The following EHBP1 variants were observed in gnomAD, a reference collection of about 807,000 sequenced individuals.
EHBP1 encodes EH domain-binding protein 1.
A neutral mutation model predicts 144.0 loss-of-function variants in EHBP1; 55 were observed. The ratio of observed to expected loss-of-function variants is 0.38; its 90% CI spans 0.31 to 0.48. The LOEUF is 0.48. Ranked by LOEUF, EHBP1 falls within the 20% of genes least tolerant of loss-of-function variation. EHBP1 has a pLI of 0.98. For missense variants in EHBP1, 1,200 were observed against 1,364.2 expected (o/e 0.88, Z 1.90); for synonymous variants, 469 against 472.7 (o/e 0.99, Z 0.10).
chr2:62,802,719 CTTTTTTT>C (rs573491673), intron 5 of EHBP1, among the ~76,000 whole-genome samples: 3 of 115,604 alleles, frequency 2.6e-5, no homozygotes, highest in Non-Finnish European at 3.6e-5. Flanking sequence ...TGGGATCATA[CTTTTTTT>C]TTTTTTTTTT....
chr2:62,774,706 G>C (rs1026762507), intron 5 of EHBP1, among the ~76,000 whole-genome samples: 9 of 152,156 alleles, frequency 5.9e-5, no homozygotes, highest in African/African-American at 2.2e-4. Context: ...TTAACTGGAC[G>C]TGGTGGCATA....
chr2:62,705,470 T>C (rs957822384), upstream of EHBP1, among the ~76,000 whole-genome samples: 4 of 151,622 alleles, frequency 2.6e-5, no homozygotes, highest in Non-Finnish European at 5.9e-5. Flanking sequence ...ACGGGCGGGA[T>C]CGTCCTTAGT....
intron 19 of EHBP1, among the ~76,000 whole-genome samples, chr2:63,011,142 CAAAAAAAA>C (rs58109395): frequency 2.3e-5 from 1 of 43,896 alleles, no homozygotes; most frequent in Non-Finnish European, 4.8e-5. Context: ...CCTCACTTGT[CAAAAAAAA>C]AAAAAAAAAA....
In EHBP1 at chr2:62,882,620, C is replaced by T. The variant is rs199575474; in HGVS notation, c.1185+8088C>T. ...GAAATGGGCCGGGTGCGGTGGCTCA[C>T]GCCTGTAATCCCAGCACTTTGGGAG... On this transcript the variant is annotated intron_variant, in intron 10 of 22. Transcript: ENST00000431489. Among the ~76,000 whole-genome samples the T allele has an allele frequency of 3.2e-4, 49 of 152,296 alleles. 1 individual carries two copies. The East Asian group carries it at 8.1e-3, about 25-fold the overall frequency.
intron 19 of EHBP1, among the ~76,000 whole-genome samples, chr2:63,020,508 A>G (rs1381644286): frequency 6.6e-6 from 1 of 151,430 alleles, no homozygotes; most frequent in Non-Finnish European, 1.5e-5. Flanking sequence ...ATCTCAAAAA[A>G]AAAAAAGAAA....
rs114481467 is a variant in EHBP1, at chr2:62,688,574, C to T, written c.-296+14491C>T. Among the ~76,000 whole-genome samples the T allele has an allele frequency of 3.7e-3, 568 of 152,258 alleles. 5 individuals are homozygous for T. The highest frequency in any genetic ancestry group is 0.013 in the African/African-American group (533 of 41,540). On this transcript the variant is annotated intron_variant, in intron 1 of 22. Coordinates refer to the EHBP1 transcript ENST00000405015. ...TATAGAACACTAAAACTTATTCCTTCTATTTAGTTGTAATGTTGTATCCTT... is the reference window on the plus strand; with the variant it reads ...TATAGAACACTAAAACTTATTCCTTTTATTTAGTTGTAATGTTGTATCCTT...
chr2:62,687,350 G>T (rs1433551550), intron 1 of EHBP1, among the ~76,000 whole-genome samples: 1 of 152,188 alleles, frequency 6.6e-6, no homozygotes, highest in Non-Finnish European at 1.5e-5. Flanking sequence ...AAATAATAAA[G>T]TTCAGAAACT....
chr2:62,721,943 C>G (rs890361339), intron 2 of EHBP1, among the ~76,000 whole-genome samples: 10 of 152,034 alleles, frequency 6.6e-5, no homozygotes, highest in African/African-American at 2.2e-4. Flanking sequence ...AAGTTGCAAA[C>G]ACAATACAAA....
At chr2:62,909,383 A>G (rs2054031079) in intron 10 of EHBP1, among the ~76,000 whole-genome samples, 1 of 152,174 alleles carries the variant, frequency 6.6e-6, no homozygotes, top group Admixed American at 6.5e-5. Context: ...AGGTTTCGCC[A>G]TATCATGCAG....
At chr2:62,819,771 CAAA>C (rs538451712) in intron 5 of EHBP1, among the ~76,000 whole-genome samples, 6 of 122,298 alleles carry the variant, frequency 4.9e-5, no homozygotes, top group Non-Finnish European at 6.8e-5. Flanking sequence ...CTCAAAAAAA[CAAA>C]AAAAAAAAAA....
intron 10 of EHBP1, among the ~76,000 whole-genome samples, chr2:62,925,706 G>A (rs1287220222): frequency 6.6e-6 from 1 of 152,130 alleles, no homozygotes; most frequent in Non-Finnish European, 1.5e-5. Flanking sequence ...AACCAAGGAG[G>A]TGAAAGACTC....
At chr2:62,922,429 A>G (rs1381103073) in intron 10 of EHBP1, among the ~76,000 whole-genome samples, 1 of 152,194 alleles carries the variant, frequency 6.6e-6, no homozygotes, top group Non-Finnish European at 1.5e-5. Context: ...CACGTGATCT[A>G]ATAATTGCTG....
intron 5 of EHBP1, among the ~76,000 whole-genome samples, chr2:62,788,408 G>A (rs949128467): frequency 2.6e-5 from 4 of 151,648 alleles, no homozygotes; most frequent in Non-Finnish European, 2.9e-5. Context: ...AGGTGGAGGG[G>A]TGGGTATTGC....
At chr2:63,022,799 G>GCA (rs2060812511) in intron 19 of EHBP1, among the ~76,000 whole-genome samples, 1 of 152,180 alleles carries the variant, frequency 6.6e-6, no homozygotes. Flanking sequence ...AAGTATTCAT[G>GCA]CACTCAAAGG....
Position 62,949,050 on chromosome 2 carries a change from G to C in EHBP1, c.2204G>C (p.Arg735Thr), listed in dbSNP as rs771097812. ...TCTAAACTTGGATACTCATATAGTA[G>C]AGATCTAGACCTTGCTAAGAAAAAA... is the stretch of plus-strand genomic sequence containing the variant. Reference protein sequence around the residue: ...PTSKLGYSYSRDLDLAKKKHA... With the variant: ...PTSKLGYSYSTDLDLAKKKHA... The change falls in exon 13 of 23, where the codon AGA becomes ACA. Residue 735 changes from arginine to threonine, a missense_variant. Coordinates refer to ENST00000431489, the MANE Select transcript of EHBP1 (RefSeq NM_001142616.3). The C allele has an allele frequency of 6.2e-7, 1 of 1,613,486 alleles. No homozygotes were observed. Among genetic ancestry groups the C allele is most frequent in the East Asian group, 2.2e-5 (1 of 44,824 alleles).
intron 10 of EHBP1, among the ~76,000 whole-genome samples, chr2:62,912,531 AAC>A (rs2054305929): frequency 6.6e-6 from 1 of 152,136 alleles, no homozygotes; most frequent in South Asian, 2.1e-4. Flanking sequence ...CAGCCTGAGC[AAC>A]AGAGCAAGAC....
At chr2:62,734,964 G>A (rs972713672) in intron 2 of EHBP1, among the ~76,000 whole-genome samples, 1 of 152,084 alleles carries the variant, frequency 6.6e-6, no homozygotes, top group Non-Finnish European at 1.5e-5. Context: ...GCAGTGGCGC[G>A]ATCACGGCAC....
chr2:62,714,486 A>G (rs967474399), intron 2 of EHBP1, among the ~76,000 whole-genome samples: 48 of 152,206 alleles, frequency 3.2e-4, no homozygotes, highest in Non-Finnish European at 2.9e-4. Flanking sequence ...TGTAAAATAC[A>G]TATTTTCTGG....
Position 62,689,615 on chromosome 2 carries a change from G to A in EHBP1, c.-296+15532G>A, listed in dbSNP as rs1016620223. ...GGTAACCGAGGTCTCGGAGATAACC[G>A]AGATTGTGCCACTGCACTCTAGCCT... On this transcript the variant is annotated intron_variant, in intron 1 of 22. Transcript: ENST00000405015. 4.6e-5 allele frequency among the ~76,000 whole-genome samples: 7 copies of A among 152,154 alleles called. No individual in the cohort carries two copies. In the South Asian group the frequency reaches 8.3e-4, roughly 18 times the overall value.
Sources: allele counts gnomAD v4.1 joint callset (sites outside exome capture counted in the v4.1 genomes callset), GRCh38; gene constraint gnomAD v4.1.1; transcripts MANE v1.5; gene names NCBI Gene and HGNC (gene_info 2026-07-23, HGNC 2026-07-21).